The following MCPH1 variants were observed in gnomAD, a reference collection of about 807,000 sequenced individuals.
The protein encoded by MCPH1 is microcephalin.
Under a neutral mutation model 84.5 loss-of-function variants are expected in MCPH1, and 104 were observed. The ratio of observed to expected loss-of-function variants is 1.23; its 90% CI spans 1.05 to 1.45. The LOEUF (loss-of-function observed/expected upper bound fraction) is 1.45, where lower values mean the gene tolerates loss of function less well. Among genes scored for constraint, MCPH1 ranks in the 40% most tolerant of loss-of-function variants. MCPH1 has a pLI of 0.00. For missense variants in MCPH1, 1,498 were observed against 1,005.7 expected (o/e 1.49, Z -6.62); for synonymous variants, 514 against 366.8 (o/e 1.40, Z -4.58).
chr8:6,625,374 G>A, intron 13 of MCPH1: 1 of 985,402 alleles, frequency 1.0e-6, no homozygotes, highest in Non-Finnish European at 1.2e-6. Flanking sequence ...CTTCGACAAA[G>A]CACATTGTGT....
At chr8:6,423,469 C>T (rs2916768) in intron 3 of MCPH1, among the ~76,000 whole-genome samples, 2,676 of 152,246 alleles carry the variant, frequency 0.018, 82 homozygotes, top group African/African-American at 0.06. Flanking sequence ...CCGGCCCATA[C>T]ACTTTAGTCA....
intron 9 of MCPH1, among the ~76,000 whole-genome samples, chr8:6,460,501 C>A (rs945242659): frequency 3.9e-5 from 6 of 152,080 alleles, no homozygotes; most frequent in African/African-American, 1.4e-4. Flanking sequence ...CAGGCGGGAG[C>A]CTTCATGCCC....
intron 2 of MCPH1, among the ~76,000 whole-genome samples, chr8:6,411,658 G>C (rs1480502247): frequency 6.6e-6 from 1 of 152,168 alleles, no homozygotes; most frequent in African/African-American, 2.4e-5. Flanking sequence ...CACAGTGCGT[G>C]ATTTTTATTA....
At chr8:6,430,384 G>A (rs564076422) in intron 3 of MCPH1, among the ~76,000 whole-genome samples, 4 of 152,238 alleles carry the variant, frequency 2.6e-5, no homozygotes, top group South Asian at 2.1e-4. Context: ...GGGATAATGC[G>A]AGATGAGAAA....
chr8:6,424,051 C>G (rs77008930), intron 3 of MCPH1, among the ~76,000 whole-genome samples: 10,269 of 152,176 alleles, frequency 0.067, 858 homozygotes, highest in African/African-American at 0.2. Flanking sequence ...ATGGTTTCCA[C>G]TGAAAATGTG....
chr8:6,542,385 T>A (rs945025421), intron 12 of MCPH1, among the ~76,000 whole-genome samples: 2 of 152,086 alleles, frequency 1.3e-5, no homozygotes, highest in Non-Finnish European at 2.9e-5. Flanking sequence ...CTTGTGTGTG[T>A]GTGTTTCAGT....
rs1808799628 is a variant in MCPH1 at position 6,478,730 on chromosome 8, T to C, written c.1973+1099T>C. Among the ~76,000 whole-genome samples, 4 of 150,400 alleles carry C rather than the reference T, an allele frequency of 2.7e-5. No individual in the cohort carries two copies. The South Asian group carries it at 8.3e-4, about 31-fold the overall frequency. Reference sequence around the variant, plus strand: ...TGTGTAGTTTAGAGCTTTTTACTTTTTGTTTTTGTTTTTGTTTTCTTTTAT... The same window carrying C: ...TGTGTAGTTTAGAGCTTTTTACTTTCTGTTTTTGTTTTTGTTTTCTTTTAT... On this transcript the variant is annotated intron_variant, in intron 10 of 13. Transcript: ENST00000344683.
At chr8:6,437,332 G>A (rs1802803074) in intron 5 of MCPH1, among the ~76,000 whole-genome samples, 1 of 152,100 alleles carries the variant, frequency 6.6e-6, no homozygotes, top group African/African-American at 2.4e-5. Flanking sequence ...CCGGGTTCAA[G>A]CAATTCTCCT....
intron 12 of MCPH1, chr8:6,514,623 A>G (rs752985977): frequency 1.1e-5 from 16 of 1,495,652 alleles, no homozygotes; most frequent in Non-Finnish European, 1.3e-5. Flanking sequence ...CAGATCTTGA[A>G]AGCTATTTTT....
At chr8:6,474,251 A>G in intron 9 of MCPH1, 1 of 586,866 alleles carries the variant, frequency 1.7e-6, no homozygotes, top group South Asian at 1.9e-5. Context: ...TTCTCAAGCT[A>G]AATCACCCAC....
chr8:6,625,035 C>T (rs1333499760), intron 13 of MCPH1: 2 of 493,494 alleles, frequency 4.1e-6, no homozygotes, highest in African/African-American at 4.2e-5. Flanking sequence ...CCACCATGCC[C>T]AGGTAATTTT....
chr8:6,463,603 C>A (rs1014689424), intron 9 of MCPH1, among the ~76,000 whole-genome samples: 6 of 152,044 alleles, frequency 3.9e-5, no homozygotes, highest in Non-Finnish European at 7.4e-5. Context: ...GTACTAGATG[C>A]CCAGAGGGTG....
At chr8:6,583,554 C>T (rs575668565) in intron 12 of MCPH1, among the ~76,000 whole-genome samples, 3 of 152,180 alleles carry the variant, frequency 2.0e-5, no homozygotes, top group Admixed American at 6.5e-5. Context: ...CAAAAGGAAG[C>T]GAGGGTGGTG....
chr8:6,635,808 C>T (rs966940072), intron 13 of MCPH1, among the ~76,000 whole-genome samples: 6 of 152,074 alleles, frequency 3.9e-5, no homozygotes, highest in Admixed American at 1.3e-4. Context: ...TGTAAAATGC[C>T]GTGTCCCGTA....
chr8:6,438,090 A>T lies in MCPH1; in HGVS notation c.437-863A>T, dbSNP rs1025325471. Among the ~76,000 whole-genome samples, 19 of 152,298 alleles carry T rather than the reference A, an allele frequency of 1.2e-4. 1 individual carries two copies. Among genetic ancestry groups the T allele is most frequent in the African/African-American group, 4.3e-4 (18 of 41,546 alleles). Reference sequence around the variant, plus strand: ...TGATCTGGCCTCTCTTTCTAGCCTCATAGCAATATTGCACACTCTCCTATA... The same window carrying T: ...TGATCTGGCCTCTCTTTCTAGCCTCTTAGCAATATTGCACACTCTCCTATA... On this transcript the variant is annotated intron_variant, in intron 5 of 13. Coordinates refer to ENST00000344683, the MANE Select transcript of MCPH1 (RefSeq NM_024596.5).
intron 9 of MCPH1, among the ~76,000 whole-genome samples, chr8:6,458,310 G>A (rs1176979466): frequency 1.3e-5 from 2 of 151,738 alleles, no homozygotes; most frequent in African/African-American, 4.8e-5. Flanking sequence ...GTCTCTACTA[G>A]AAATACAAAA....
Position 6,439,057 on chromosome 8 carries a change from C to A in MCPH1, c.541C>A (p.Gln181Lys), listed in dbSNP as rs1297320034. 3.1e-6 allele frequency: 5 copies of A among 1,613,376 alleles called. No homozygotes were observed. The highest frequency in any genetic ancestry group is 4.2e-6 in the Non-Finnish European group (5 of 1,179,742). ...CCACAGCGCAATGGAGAAGAGATTA[C>A]AAGAGATGAAGGAGAAAAGGGAAAA... ...RHHSAMEKRL[Q>K]EMKEKRENLS... is the part of the protein sequence containing the mutation. Residue 181 changes from glutamine to lysine, a missense_variant, in exon 6 of 14, where the codon CAA becomes AAA. Coordinates refer to ENST00000344683, the MANE Select transcript of MCPH1 (RefSeq NM_024596.5).
intron 12 of MCPH1, among the ~76,000 whole-genome samples, chr8:6,548,737 ACAAGCATC>A (rs1823057097): frequency 6.6e-6 from 1 of 152,226 alleles, no homozygotes; most frequent in Non-Finnish European, 1.5e-5. Context: ...ATTGTGTATA[ACAAGCATC>A]TCTCTCTGAT....
intron 13 of MCPH1, among the ~76,000 whole-genome samples, chr8:6,632,943 A>C (rs1797275148): frequency 6.6e-6 from 1 of 152,194 alleles, no homozygotes; most frequent in Non-Finnish European, 1.5e-5. Flanking sequence ...GAATAGCATT[A>C]AGTCTTCTTT....
Sources: allele counts gnomAD v4.1 joint callset (sites outside exome capture counted in the v4.1 genomes callset), GRCh38; gene constraint gnomAD v4.1.1; transcripts MANE v1.5; gene names NCBI Gene and HGNC (gene_info 2026-07-23, HGNC 2026-07-21).